The following CNTLN variants were observed in gnomAD, a reference collection of about 807,000 sequenced individuals.
CNTLN encodes the protein centlein, also known as centlein, centrosomal protein.
A neutral mutation model predicts 180.0 loss-of-function variants in CNTLN; 212 were observed. That is an observed-to-expected ratio of 1.18 (90% CI 1.05 to 1.32). CNTLN has a LOEUF of 1.32. Among genes scored for constraint, CNTLN ranks in the 40% most tolerant of loss-of-function variants. CNTLN has a pLI of 0.00. For synonymous variants in CNTLN, 722 were observed against 563.1 expected (o/e 1.28, Z -3.99); for missense variants, 2,095 against 1,610.9 (o/e 1.30, Z -5.14).
At chr9:17,433,988 A>G (rs1829599428) in intron 18 of CNTLN, among the ~76,000 whole-genome samples, 1 of 145,128 alleles carries the variant, frequency 6.9e-6, no homozygotes, top group South Asian at 2.1e-4. Context: ...ATAGTGAATT[A>G]CATTAATAGG....
intron 2 of CNTLN, among the ~76,000 whole-genome samples, chr9:17,153,960 G>A (rs776634304): frequency 6.6e-6 from 1 of 152,044 alleles, no homozygotes; most frequent in Non-Finnish European, 1.5e-5. Context: ...ATTGATACTT[G>A]TGTAGTCTTC....
intron 23 of CNTLN, among the ~76,000 whole-genome samples, chr9:17,480,061 C>T (rs1431561696): frequency 1.3e-5 from 2 of 152,014 alleles, no homozygotes; most frequent in South Asian, 2.1e-4. Flanking sequence ...ATGGTGGGCT[C>T]ATGCTTGTAA....
chr9:17,245,935 A>G (rs1403503622), intron 5 of CNTLN, among the ~76,000 whole-genome samples: 1 of 152,034 alleles, frequency 6.6e-6, no homozygotes, highest in African/African-American at 2.4e-5. Flanking sequence ...AGGATTCTTA[A>G]TTCCTTATCT....
chr9:17,146,698 A>G (rs561762394), intron 2 of CNTLN, among the ~76,000 whole-genome samples: 31 of 152,272 alleles, frequency 2.0e-4, no homozygotes, highest in South Asian at 1.0e-3. Context: ...AAATTACCCA[A>G]TCTAAGGTAT....
intron 8 of CNTLN, among the ~76,000 whole-genome samples, chr9:17,326,690 C>T (rs1377047826): frequency 6.6e-6 from 1 of 152,088 alleles, no homozygotes; most frequent in Admixed American, 6.5e-5. Context: ...AGTCATAAAT[C>T]ATGTTGATAG....
intron 8 of CNTLN, among the ~76,000 whole-genome samples, chr9:17,318,684 G>T (rs935560335): frequency 3.1e-4 from 47 of 152,296 alleles, no homozygotes; most frequent in African/African-American, 1.1e-3. Context: ...AAGTTAGATA[G>T]AGGAGAGATG....
In CNTLN at chr9:17,466,108, T is replaced by G. The variant is rs1295057072; in HGVS notation, c.3659T>G (p.Leu1220Ter). The G allele has an allele frequency of 6.3e-7, 1 of 1,599,238 alleles. No homozygotes were observed. Among genetic ancestry groups the G allele is most frequent in the African/African-American group, 1.4e-5 (1 of 73,918 alleles). The change falls in exon 22 of 26, where the codon TTA (leucine) becomes TGA (stop). Residue 1220 changes from leucine (L) to a stop codon, truncating the protein, a stop_gained. Transcript: ENST00000380647. LOFTEE classifies it high-confidence loss of function. ...EQMYQKSKEE[L>*]EKKDLKLTLL... ...ATGTATCAGAAATCTAAAGAGGAGT[T>G]AGAAAAAAAGGTATGCTTTTAAAAA...
chr9:17,137,366 T>G (rs921401677), intron 1 of CNTLN, among the ~76,000 whole-genome samples: 2 of 152,166 alleles, frequency 1.3e-5, no homozygotes, highest in Admixed American at 1.3e-4. Flanking sequence ...TAAAAAGCAT[T>G]TAGGTGATTA....
chr9:17,485,286 C>G (rs941424267), intron 24 of CNTLN, among the ~76,000 whole-genome samples: 2 of 152,152 alleles, frequency 1.3e-5, no homozygotes, highest in African/African-American at 4.8e-5. Flanking sequence ...AGATCATCCT[C>G]TGGCCCCCTC....
intron 13 of CNTLN, among the ~76,000 whole-genome samples, chr9:17,372,808 C>T (rs936883399): frequency 2.6e-5 from 4 of 152,088 alleles, no homozygotes; most frequent in Non-Finnish European, 5.9e-5. Flanking sequence ...CCAAGGGTTG[C>T]AAGGATGGTT....
chr9:17,226,243 G>T lies in CNTLN; in HGVS notation c.490G>T (p.Glu164Ter). ...TGAAGCTAAAGACAGAAAAGTTCTA[G>T]AAATTCTGCAAGTCAAGGATGCCAA... ...KSEAKDRKVL[E>*]ILQVKDAKIQ... Residue 164 changes from glutamate to a stop codon, truncating the protein, a stop_gained, in exon 3 of 26, where the codon GAA becomes TAA. Transcript: ENST00000380647. LOFTEE classifies it high-confidence loss of function. The T allele has an allele frequency of 6.3e-7, 1 of 1,581,578 alleles. No homozygotes were observed. Among genetic ancestry groups the T allele is most frequent in the Non-Finnish European group, 8.6e-7 (1 of 1,164,980 alleles).
chr9:17,420,031 C>T (rs1828586149), intron 18 of CNTLN, among the ~76,000 whole-genome samples: 1 of 152,164 alleles, frequency 6.6e-6, no homozygotes, highest in African/African-American at 2.4e-5. Context: ...TCTTCTGGCT[C>T]AGCCTCCTGA....
intron 2 of CNTLN, among the ~76,000 whole-genome samples, chr9:17,176,589 T>C (rs1820732918): frequency 6.6e-6 from 1 of 152,240 alleles, no homozygotes; most frequent in Non-Finnish European, 1.5e-5. Context: ...CAGAGATAAG[T>C]AGCTTCATAA....
chr9:17,331,997 C>A (rs1820676860), intron 9 of CNTLN, among the ~76,000 whole-genome samples: 1 of 152,036 alleles, frequency 6.6e-6, no homozygotes, highest in Non-Finnish European at 1.5e-5. Context: ...AGGATGAGCA[C>A]TGTGTTGCCC....
the CNTLN span, among the ~76,000 whole-genome samples, chr9:17,517,173 C>T: frequency 1.3e-5 from 2 of 151,910 alleles, no homozygotes; most frequent in Admixed American, 1.3e-4. Flanking sequence ...GGGTGGATCA[C>T]AGGTCAGGAG....
chr9:17,422,428 T>G (rs1258168608), intron 18 of CNTLN, among the ~76,000 whole-genome samples: 1 of 152,198 alleles, frequency 6.6e-6, no homozygotes, highest in African/African-American at 2.4e-5. Flanking sequence ...TTCTCCTGTG[T>G]ATTTTTAAAT....
chr9:17,523,115 C>A, the CNTLN span, among the ~76,000 whole-genome samples: 128 of 152,262 alleles, frequency 8.4e-4, no homozygotes, highest in Non-Finnish European at 1.6e-3. Context: ...CCAGAGAGCA[C>A]CTTTATGACC....
At chr9:17,456,333 A>G (rs1225451357) in intron 18 of CNTLN, among the ~76,000 whole-genome samples, 1 of 152,136 alleles carries the variant, frequency 6.6e-6, no homozygotes, top group East Asian at 1.9e-4. Context: ...AATCTATAGA[A>G]CCATACTTTT....
At chr9:17,177,893 TTC>T (rs1192670785) in intron 2 of CNTLN, among the ~76,000 whole-genome samples, 1 of 152,160 alleles carries the variant, frequency 6.6e-6, no homozygotes. Flanking sequence ...GGTGCTTTTA[TTC>T]TCTTATCTGG....
Sources: allele counts gnomAD v4.1 joint callset (sites outside exome capture counted in the v4.1 genomes callset), GRCh38; gene constraint gnomAD v4.1.1; transcripts MANE v1.5; gene names NCBI Gene and HGNC (gene_info 2026-07-23, HGNC 2026-07-21).